Variants in CAPZB observed in about 807,000 individuals in gnomAD.
CAPZB encodes the protein F-actin-capping protein subunit beta.
A neutral mutation model predicts 38.1 loss-of-function variants in CAPZB; 2 were observed. That is an observed-to-expected ratio of 0.05 (90% CI 0.02 to 0.17). The LOEUF (loss-of-function observed/expected upper bound fraction) is 0.17, where lower values mean the gene tolerates loss of function less well. Ranked by LOEUF, CAPZB falls within the 10% of genes least tolerant of loss-of-function variation. The pLI, the probability that CAPZB is intolerant of heterozygous loss-of-function variation, is 1.00. For missense variants in CAPZB, 161 were observed against 334.2 expected, an observed-to-expected ratio of 0.48 and a Z score of 4.04; for synonymous variants, 107 against 127.4, an observed-to-expected ratio of 0.84 and a Z score of 1.08.
chr1:19,384,450 A>G (rs1353332209), intron 3 of CAPZB, among the ~76,000 whole-genome samples: 1 of 152,188 alleles, frequency 6.6e-6, no homozygotes, highest in African/African-American at 2.4e-5. Flanking sequence ...TTCAGGAAGC[A>G]TTCTGTTGAG....
In CAPZB at chr1:19,456,591, G is replaced by A. The variant is rs368128210; in HGVS notation, c.3+28845C>T. 3.2e-4 allele frequency among the ~76,000 whole-genome samples: 48 copies of A among 151,970 alleles called. 1 individual carries two copies. The South Asian group carries it at 8.9e-3, about 28-fold the overall frequency. ...CCCCCTACCCATGCACGATTCCCCCGTACAGAAAAAAATTCAGAGCAAGAA... is the reference window on the plus strand; with the variant it reads ...CCCCCTACCCATGCACGATTCCCCCATACAGAAAAAAATTCAGAGCAAGAA... On this transcript the variant is annotated intron_variant, in intron 1 of 8. Coordinates refer to ENST00000264202, the MANE Select transcript of CAPZB (RefSeq NM_004930.5).
chr1:19,354,576 G>A (rs1431664998), intron 6 of CAPZB, among the ~76,000 whole-genome samples: 1 of 152,220 alleles, frequency 6.6e-6, no homozygotes, highest in African/African-American at 2.4e-5. Context: ...CGCAAACAAA[G>A]TCCGAAGCCC....
At chr1:19,402,467 T>C (rs1316948766) in intron 2 of CAPZB, among the ~76,000 whole-genome samples, 1 of 152,244 alleles carries the variant, frequency 6.6e-6, no homozygotes, top group African/African-American at 2.4e-5. Context: ...TAACAGCTGA[T>C]CCTCAGCAAA....
At chr1:19,484,636 G>A (rs1381087097) in intron 1 of CAPZB, 1 of 1,171,258 alleles carries the variant, frequency 8.5e-7, no homozygotes, top group East Asian at 6.0e-5. Flanking sequence ...CCCAAAGGCT[G>A]CAAAGAAGGC....
chr1:19,352,915 G>A lies in CAPZB; in HGVS notation c.588+3720C>T, dbSNP rs115271499. ...GCCCAGGAGAGTGGCGCTCTGCCCC[G>A]GCCACTGGCCTACCACCAGCCGCCT... is the stretch of plus-strand genomic sequence containing the variant. On this transcript the variant is annotated intron_variant, in intron 6 of 8. Coordinates refer to ENST00000264202, the MANE Select transcript of CAPZB (RefSeq NM_004930.5). 8.3e-3 allele frequency among the ~76,000 whole-genome samples: 1,258 copies of A among 152,152 alleles called. 20 individuals carry two copies. The highest frequency in any genetic ancestry group is 0.027 in the African/African-American group (1,139 of 41,512).
chr1:19,476,683 G>A (rs1029669148), intron 1 of CAPZB, among the ~76,000 whole-genome samples: 11 of 152,250 alleles, frequency 7.2e-5, no homozygotes, highest in Non-Finnish European at 1.2e-4. Flanking sequence ...CACAGTGGCC[G>A]ACGCTAGGCT....
intron 4 of CAPZB, among the ~76,000 whole-genome samples, chr1:19,366,465 G>GATC (rs1276153831): frequency 5.9e-5 from 9 of 151,658 alleles, no homozygotes; most frequent in African/African-American, 2.2e-4. Context: ...GAGGCCGGCA[G>GATC]ATCACCTGAG....
chr1:19,426,108 G>A (rs1279384638), intron 1 of CAPZB, among the ~76,000 whole-genome samples: 1 of 152,198 alleles, frequency 6.6e-6, no homozygotes, highest in Non-Finnish European at 1.5e-5. Context: ...CTGGGGAGGT[G>A]ACTGGGGCCT....
chr1:19,349,438 G>A (rs2093979946), intron 6 of CAPZB, among the ~76,000 whole-genome samples: 1 of 152,096 alleles, frequency 6.6e-6, no homozygotes, highest in Non-Finnish European at 1.5e-5. Flanking sequence ...AAGGGATGAG[G>A]GTTTTGAGCT....
intron 2 of CAPZB, among the ~76,000 whole-genome samples, chr1:19,387,946 T>C (rs552336531): frequency 4.6e-5 from 7 of 152,290 alleles, no homozygotes; most frequent in African/African-American, 1.7e-4. Context: ...CACCTGTTAC[T>C]CTCAGATGGC....
chr1:19,445,597 G>C (rs551977103), intron 1 of CAPZB, among the ~76,000 whole-genome samples: 1 of 152,130 alleles, frequency 6.6e-6, no homozygotes, highest in South Asian at 2.1e-4. Flanking sequence ...TTTTCCAACA[G>C]GGATTACTTT....
At chr1:19,419,605 A>G (rs2094393579) in intron 2 of CAPZB, 56 bp downstream of exon 2, 3 of 1,022,592 alleles carry the variant, frequency 2.9e-6, no homozygotes, top group Non-Finnish European at 4.5e-6. Flanking sequence ...AGCTACACAA[A>G]AGCAACTAAC....
At chr1:19,384,064 A>G (rs1004745910) in intron 3 of CAPZB, among the ~76,000 whole-genome samples, 26 of 152,342 alleles carry the variant, frequency 1.7e-4, no homozygotes, top group African/African-American at 3.6e-4. Flanking sequence ...CTAGTCTCTT[A>G]TAAGTCAGTA....
At chr1:19,389,536 T>C (rs1049933441) in intron 2 of CAPZB, among the ~76,000 whole-genome samples, 8 of 152,200 alleles carry the variant, frequency 5.3e-5, no homozygotes, top group Admixed American at 4.6e-4. Flanking sequence ...CATGCCATTC[T>C]CCTGCCTCAG....
intron 1 of CAPZB, among the ~76,000 whole-genome samples, chr1:19,428,923 C>A (rs899813464): frequency 2.6e-5 from 4 of 152,146 alleles, no homozygotes; most frequent in Admixed American, 2.6e-4. Flanking sequence ...GCCCAGCATC[C>A]CAGCTACCCC....
intron 1 of CAPZB, among the ~76,000 whole-genome samples, chr1:19,427,123 G>A (rs557219116): frequency 9.8e-5 from 15 of 152,324 alleles, no homozygotes; most frequent in African/African-American, 3.1e-4. Flanking sequence ...CAGCCTCACC[G>A]GAGTGTGTAC....
chr1:19,364,924 G>A (rs904996228), intron 4 of CAPZB, among the ~76,000 whole-genome samples: 2 of 151,152 alleles, frequency 1.3e-5, no homozygotes, highest in Admixed American at 1.3e-4. Context: ...ATGGCTCATT[G>A]CAGCCTCGAC....
chr1:19,484,980 G>A (rs1485303791), intron 1 of CAPZB, among the ~76,000 whole-genome samples: 5 of 152,150 alleles, frequency 3.3e-5, no homozygotes, highest in Non-Finnish European at 7.4e-5. Flanking sequence ...GGGAGGGACA[G>A]AGGGAGGCAG....
chr1:19,397,969 T>A (rs939676493), intron 2 of CAPZB, among the ~76,000 whole-genome samples: 4 of 152,108 alleles, frequency 2.6e-5, no homozygotes, highest in African/African-American at 7.2e-5. Context: ...GGTCTGTGGG[T>A]TGATATTCAT....
Sources: gnomAD v4.1 joint callset for allele counts (sites outside exome capture counted in the v4.1 genomes callset) on GRCh38, gnomAD v4.1.1 for gene constraint, MANE v1.5 for transcripts, NCBI Gene and HGNC (gene_info 2026-07-23, HGNC 2026-07-21) for gene names.